HS3ST5: variants seen among roughly 807,000 people sequenced by gnomAD.
The protein encoded by HS3ST5 is heparan sulfate glucosamine 3-O-sulfotransferase 5.
Under a neutral mutation model 25.4 loss-of-function variants are expected in HS3ST5, and 10 were observed. The ratio of observed to expected loss-of-function variants is 0.39; its 90% confidence interval spans 0.24 to 0.67. HS3ST5 has a LOEUF of 0.67. HS3ST5 is among the 30% of genes least tolerant of loss of function. The pLI, the probability that HS3ST5 is intolerant of heterozygous loss-of-function variation, is 0.44. For synonymous variants in HS3ST5, 170 were observed against 162.4 expected, an observed-to-expected ratio of 1.05 and a Z score of -0.36; for missense variants, 324 against 420.7, an observed-to-expected ratio of 0.77 and a Z score of 2.01.
intron 3 of HS3ST5, among the ~76,000 whole-genome samples, chr6:114,074,460 C>T (rs1774004298): frequency 6.6e-6 from 1 of 152,166 alleles, no homozygotes; most frequent in Non-Finnish European, 1.5e-5. Flanking sequence ...AATAATCAGG[C>T]CTTTCCCAAG....
intron 3 of HS3ST5, among the ~76,000 whole-genome samples, chr6:114,070,600 T>C (rs1455635594): frequency 3.3e-5 from 5 of 152,334 alleles, no homozygotes; most frequent in Admixed American, 6.5e-5. Flanking sequence ...CAGATTCTTA[T>C]GTGCTGGTCT....
chr6:114,152,515 C>G (rs1484487336), intron 3 of HS3ST5, among the ~76,000 whole-genome samples: 1 of 152,080 alleles, frequency 6.6e-6, no homozygotes, highest in African/African-American at 2.4e-5. Flanking sequence ...CTGTTACTAC[C>G]TGAGCTAAGC....
chr6:114,184,080 T>C (rs1780095207), intron 2 of HS3ST5, among the ~76,000 whole-genome samples: 2 of 125,100 alleles, frequency 1.6e-5, no homozygotes, highest in South Asian at 2.6e-4. Context: ...TTTTTTTTTT[T>C]GAGACGGAGT....
chr6:114,067,375 A>G (rs1427716492), intron 3 of HS3ST5, among the ~76,000 whole-genome samples: 4 of 152,224 alleles, frequency 2.6e-5, no homozygotes, highest in African/African-American at 7.2e-5. Flanking sequence ...TTTAGCAGAC[A>G]GGAAAAAGAA....
chr6:114,280,625 A>T (rs1774064982), intron 1 of HS3ST5, among the ~76,000 whole-genome samples: 1 of 152,056 alleles, frequency 6.6e-6, no homozygotes, highest in Admixed American at 6.6e-5. Flanking sequence ...TGGTGTATTT[A>T]AAGTTGATTT....
intron 2 of HS3ST5, among the ~76,000 whole-genome samples, chr6:114,181,884 A>ATGTG (rs71025099): frequency 0.13 from 19,780 of 150,038 alleles, 1,697 homozygotes; most frequent in East Asian, 0.37. Flanking sequence ...GTATGTGAGT[A>ATGTG]TGTGTGTGTG....
intron 3 of HS3ST5, among the ~76,000 whole-genome samples, chr6:114,097,628 T>A (rs1347458882): frequency 6.6e-6 from 1 of 151,978 alleles, no homozygotes; most frequent in Non-Finnish European, 1.5e-5. Context: ...TGGAGTCTAT[T>A]TTGTGCTCTG....
intron 3 of HS3ST5, among the ~76,000 whole-genome samples, chr6:114,127,754 AAAG>A (rs953069881): frequency 6.6e-5 from 10 of 152,094 alleles, no homozygotes; most frequent in African/African-American, 2.4e-4. Flanking sequence ...CAGCCTTAAA[AAAG>A]AAGGAAATTC....
At chr6:114,324,666 A>G (rs1376994591) in intron 1 of HS3ST5, among the ~76,000 whole-genome samples, 6 of 152,164 alleles carry the variant, frequency 3.9e-5, no homozygotes, top group African/African-American at 1.4e-4. Context: ...GCCAAAGCCT[A>G]TTTCAATTTA....
chr6:114,101,779 G>C (rs1310408125), intron 3 of HS3ST5, among the ~76,000 whole-genome samples: 1 of 152,204 alleles, frequency 6.6e-6, no homozygotes, highest in Non-Finnish European at 1.5e-5. Flanking sequence ...ATTCACAATA[G>C]TAAAGGCATG....
intron 3 of HS3ST5, among the ~76,000 whole-genome samples, chr6:114,079,723 G>C (rs1275218256): frequency 6.6e-6 from 1 of 152,164 alleles, no homozygotes; most frequent in Non-Finnish European, 1.5e-5. Flanking sequence ...TCAGATCTAT[G>C]AGAGGAATCA....
chr6:114,180,602 C>T (rs370316378), intron 2 of HS3ST5, among the ~76,000 whole-genome samples: 133 of 152,154 alleles, frequency 8.7e-4, no homozygotes, highest in African/African-American at 3.0e-3. Flanking sequence ...GCTGGCTTCC[C>T]GGCTTCTCAG....
intron 2 of HS3ST5, among the ~76,000 whole-genome samples, chr6:114,205,154 C>T (rs143115035): frequency 1.8e-4 from 28 of 152,236 alleles, no homozygotes; most frequent in African/African-American, 5.5e-4. Context: ...AGATCCCACA[C>T]GTTAAGGGCT....
intron 1 of HS3ST5, among the ~76,000 whole-genome samples, chr6:114,233,157 C>T (rs886830559): frequency 6.6e-6 from 1 of 151,330 alleles, no homozygotes; most frequent in African/African-American, 2.4e-5. Flanking sequence ...TGAACAATTA[C>T]TTTGCAGTAA....
intron 1 of HS3ST5, among the ~76,000 whole-genome samples, chr6:114,311,427 A>G (rs1346636600): frequency 6.6e-6 from 1 of 152,068 alleles, no homozygotes; most frequent in East Asian, 1.9e-4. Flanking sequence ...ATAACTTCTC[A>G]ACTTTTACAA....
At chr6:114,247,951 G>T (rs1772456033) in intron 1 of HS3ST5, among the ~76,000 whole-genome samples, 1 of 151,654 alleles carries the variant, frequency 6.6e-6, no homozygotes, top group Admixed American at 6.6e-5. Flanking sequence ...TATAATCCCA[G>T]CACTTTGGGA....
At chr6:114,103,857 A>ATTTTTTTTTTTTTTTTTTTTTT (rs71553394) in intron 3 of HS3ST5, among the ~76,000 whole-genome samples, 2 of 107,148 alleles carry the variant, frequency 1.9e-5, no homozygotes, top group Non-Finnish European at 3.6e-5. Flanking sequence ...CACCTGGCTA[A>ATTTTTTTTTTTTTTTTTTTTTT]TTTTTTTTTT....
At chr6:114,299,811 A>T (rs1285948580) in intron 1 of HS3ST5, among the ~76,000 whole-genome samples, 1 of 152,246 alleles carries the variant, frequency 6.6e-6, no homozygotes, top group Non-Finnish European at 1.5e-5. Context: ...AACTAGAAAT[A>T]TACTATACCT....
chr6:114,072,166 CT>C (rs1218876538), intron 3 of HS3ST5, among the ~76,000 whole-genome samples: 1 of 152,072 alleles, frequency 6.6e-6, no homozygotes, highest in Non-Finnish European at 1.5e-5. Context: ...TCATCTTTGT[CT>C]AAACTTTCAA....
Sources: allele counts gnomAD v4.1 joint callset (sites outside exome capture counted in the v4.1 genomes callset), GRCh38; gene constraint gnomAD v4.1.1; transcripts MANE v1.5; gene names NCBI Gene and HGNC (gene_info 2026-07-23, HGNC 2026-07-21).